Variants in MAN2B2 observed in about 807,000 individuals in gnomAD.
MAN2B2 encodes the protein mannosidase alpha class 2B member 2.
Under a neutral mutation model 117.1 loss-of-function variants are expected in MAN2B2, and 106 were observed. The observed-to-expected ratio is 0.90, with a 90% CI of 0.77 to 1.06. The LOEUF (loss-of-function observed/expected upper bound fraction) is 1.06, where lower values mean the gene tolerates loss of function less well. Among genes scored for constraint, MAN2B2 ranks in the 50% least tolerant of loss-of-function variants. The probability of loss-of-function intolerance (pLI) is 0.00; values close to 1 mark genes in which losing one functional copy is unlikely to be tolerated. For synonymous variants in MAN2B2, 544 were observed against 595.1 expected (o/e 0.91, Z 1.25); for missense variants, 1,326 against 1,381.4 (o/e 0.96, Z 0.64).
chr4:6,617,386 G>T lies in MAN2B2; in HGVS notation c.2708G>T (p.Arg903Leu), dbSNP rs148314636. 104 of 1,613,820 alleles carry T rather than the reference G, an allele frequency of 6.4e-5. No homozygotes were observed. In the African/African-American group the frequency reaches 1.3e-3, roughly 19 times the overall value. The change falls in exon 17 of 19, where the codon CGA (arginine) becomes CTA (leucine). Residue 903 changes from arginine to leucine, a missense_variant. By Grantham distance (102) the Arg-to-Leu change is moderately radical. Transcript: ENST00000285599. ...CTTCCTTCTGTCCCCAAAGGCCATC[G>T]AGGGGAAGCCCAGGCTGACCTCCGC... ...EHSQNLRKGHRGEAQADLRRV... is the reference protein window; with the variant it reads ...EHSQNLRKGHLGEAQADLRRV...
chr4:6,621,455 A>T lies in MAN2B2; in HGVS notation c.*170A>T, dbSNP rs1381139404. On this transcript the variant is annotated 3_prime_UTR_variant, in exon 19 of 19. Transcript: ENST00000285599. The stretch of plus-strand genomic sequence containing the variant: ...TTTGGGGTTTTTCCCTAATTTTTTT[A>T]AACAAAAATTACATTACAAGATCCA... 1 of 576,050 alleles carries T rather than the reference A, an allele frequency of 1.7e-6. No homozygotes were observed. The highest frequency in any genetic ancestry group is 1.9e-5 in the African/African-American group (1 of 53,176). 35.7% of individuals were successfully genotyped at this position (576,050 alleles called of 1,614,324 possible). A position where few individuals can be genotyped will look rare whatever the true frequency, so the allele number is the denominator to read the frequency against.
At chr4:6,582,377 C>CT (rs1726462863) in intron 3 of MAN2B2, among the ~76,000 whole-genome samples, 1 of 152,174 alleles carries the variant, frequency 6.6e-6, no homozygotes, top group South Asian at 2.1e-4. Flanking sequence ...CTCACTCTGT[C>CT]ACTCAGGCTG....
intron 17 of MAN2B2, 92 bp downstream of exon 17, chr4:6,617,584 G>A (rs1411593058): frequency 3.2e-6 from 5 of 1,559,824 alleles, no homozygotes; most frequent in Non-Finnish European, 3.5e-6. Flanking sequence ...AGATCCACGA[G>A]GGCTTCCTCC....
intron 15 of MAN2B2, 53 bp downstream of exon 15, chr4:6,611,331 G>T: frequency 6.6e-7 from 1 of 1,520,298 alleles, no homozygotes; most frequent in South Asian, 1.3e-5. Context: ...CACCAGCCAG[G>T]CCAGGGCGGG....
Position 6,578,456 on chromosome 4 carries a change from G to C in MAN2B2, c.349G>C (p.Glu117Gln), listed in dbSNP as rs749876075. 2 of 1,613,632 alleles carry C rather than the reference G, an allele frequency of 1.2e-6. No individual in the cohort carries two copies. Among genetic ancestry groups the C allele is most frequent in the East Asian group, 4.5e-5 (2 of 44,858 alleles). Residue 117 changes from glutamate to glutamine, a missense_variant, in exon 3 of 19, where the codon GAG (glutamate) becomes CAG (glutamine). Transcript: ENST00000285599. ...FVIGGQVMHD[E>Q]AVTHLDDQIL... ...CATCGGAGGCCAGGTCATGCATGACGAGGCTGTGACGCACCTTGATGACCA... is the reference window on the plus strand; with the variant it reads ...CATCGGAGGCCAGGTCATGCATGACCAGGCTGTGACGCACCTTGATGACCA...
Position 6,597,218 on chromosome 4 carries a change from G to C in MAN2B2, c.1163G>C (p.Arg388Pro). The C allele has an allele frequency of 6.2e-7, 1 of 1,608,528 alleles. No homozygotes were observed. Among genetic ancestry groups the C allele is most frequent in the Non-Finnish European group, 8.5e-7 (1 of 1,177,234 alleles). The change falls in exon 8 of 19, where the codon CGC becomes CCC. Residue 388 changes from arginine to proline, a missense_variant. Physicochemically the swap from Arg to Pro is moderately radical, Grantham distance 103. Transcript: ENST00000285599. The part of the protein sequence containing the change: ...LLYAGESMFT[R>P]YLWPAPRGHL... The stretch of plus-strand genomic sequence containing the variant: ...TATGCCGGGGAGTCCATGTTCACAC[G>C]CTACCTGTGGCCGGCCCCCCGTGGG...
At chr4:6,594,470 C>T (rs1054038340) in intron 6 of MAN2B2, 64 bp from the exon 7 acceptor site, 35 of 1,543,336 alleles carry the variant, frequency 2.3e-5, no homozygotes, top group Non-Finnish European at 2.9e-5. Flanking sequence ...CAGCGATCGG[C>T]CCACCCCCAC....
Position 6,594,656 on chromosome 4 carries a change from C to A in MAN2B2, c.981C>A (p.Asp327Glu). ...GVSVQYATLGDYFRALHALNV... is the reference protein window; with the variant it reads ...GVSVQYATLGEYFRALHALNV... Reference sequence around the variant, plus strand: ...CGGTGCAGTATGCCACGCTGGGCGACTACTTCCGTGCCCTGCACGCTCTCA... The same window carrying A: ...CGGTGCAGTATGCCACGCTGGGCGAATACTTCCGTGCCCTGCACGCTCTCA... The change falls in exon 7 of 19, where the codon GAC becomes GAA. Residue 327 changes from aspartate to glutamate, a missense_variant. By Grantham distance (45) the Asp-to-Glu change is conservative (BLOSUM62 2). Coordinates refer to ENST00000285599, the MANE Select transcript of MAN2B2 (RefSeq NM_015274.3). The A allele has an allele frequency of 6.2e-7, 1 of 1,613,604 alleles. No individual in the cohort carries two copies. The highest frequency in any genetic ancestry group is 8.5e-7 in the Non-Finnish European group (1 of 1,180,012).
rs774001084 is a variant in MAN2B2, at chr4:6,589,109, T to G, written c.629T>G (p.Ile210Ser). 1.9e-6 allele frequency: 3 copies of G among 1,614,184 alleles called. No individual in the cohort carries two copies. Among genetic ancestry groups the G allele is most frequent in the Non-Finnish European group, 2.5e-6 (3 of 1,180,022 alleles). The change falls in exon 5 of 19, where the codon ATC (isoleucine) becomes AGC (serine). Residue 210 changes from isoleucine to serine, a missense_variant. By Grantham distance (142) the Ile-to-Ser change is moderately radical. Coordinates refer to ENST00000285599, the MANE Select transcript of MAN2B2 (RefSeq NM_015274.3). ...GAGCGGCAGGAAATCTTCACGCACA[T>G]CATGGACCAGTACAGCTACTGCACC... ...LSERQEIFTHIMDQYSYCTPS... is the reference protein window; with the variant it reads ...LSERQEIFTHSMDQYSYCTPS...
At chr4:6,619,178 C>T (rs1712040091) in intron 17 of MAN2B2, 1 of 152,282 alleles carries the variant, frequency 6.6e-6, no homozygotes, top group African/African-American at 2.4e-5. Context: ...AACAGATGTG[C>T]TTAGAACAGA....
At chr4:6,603,507 G>C (rs912509847) in intron 10 of MAN2B2, among the ~76,000 whole-genome samples, 3 of 152,148 alleles carry the variant, frequency 2.0e-5, no homozygotes, top group Non-Finnish European at 2.9e-5. Flanking sequence ...AGAGGCGAAG[G>C]GAGGGTATGG....
At chr4:6,584,373 T>C (rs1305231762) in intron 3 of MAN2B2, among the ~76,000 whole-genome samples, 1 of 152,218 alleles carries the variant, frequency 6.6e-6, no homozygotes, top group Non-Finnish European at 1.5e-5. Flanking sequence ...GACACCACAT[T>C]CAAGGCAGTA....
intron 14 of MAN2B2, 45 bp downstream of exon 14, chr4:6,611,035 A>G (rs1254124700): frequency 1.2e-6 from 2 of 1,612,664 alleles, no homozygotes; most frequent in African/African-American, 2.7e-5. Flanking sequence ...GCGGCCCCCT[A>G]CAGGCATGCC....
chr4:6,617,895 T>C (rs1711975971), intron 17 of MAN2B2: 1 of 226,924 alleles, frequency 4.4e-6, no homozygotes, highest in Non-Finnish European at 8.6e-6. Context: ...TCCCCCAGGC[T>C]GGAGTGCAAT....
At chr4:6,594,481 T>C in intron 6 of MAN2B2, 53 bp from the exon 7 acceptor site, 1 of 1,582,934 alleles carries the variant, frequency 6.3e-7, no homozygotes, top group South Asian at 1.1e-5. Flanking sequence ...CCACCCCCAC[T>C]GGGCGAGCGC....
intron 17 of MAN2B2, chr4:6,617,950 T>C (rs1711979356): frequency 1.2e-5 from 2 of 170,038 alleles, no homozygotes; most frequent in South Asian, 2.7e-4. Context: ...CAGGTTCAAG[T>C]GATTCTCCTG....
In MAN2B2 at chr4:6,605,279, CA is replaced by C. The variant is rs758663836; in HGVS notation, c.1765del (p.Ile589LeufsTer10). On this transcript the variant is annotated frameshift_variant, in exon 11 of 19. Coordinates refer to ENST00000285599, the MANE Select transcript of MAN2B2 (RefSeq NM_015274.3). LOFTEE classifies it high-confidence loss of function. ...TGGTGCCTGTGGCAAACGACTGCTA[CA>C]TTGTGCTGCTCGACCAGGATACCAA... Reference protein sequence around the residue: ...YLVPVANDCYIVLLDQDTNLM... With the variant: ...YLVPVANDCYXVLLDQDTNLM... 6 of 1,613,982 alleles carry C rather than the reference CA, an allele frequency of 3.7e-6. No individual in the cohort carries two copies. In the African/African-American group the frequency reaches 6.7e-5, roughly 18 times the overall value.
chr4:6,608,377 T>C (rs1163733508), intron 11 of MAN2B2, among the ~76,000 whole-genome samples: 1 of 152,198 alleles, frequency 6.6e-6, no homozygotes, highest in African/African-American at 2.4e-5. Flanking sequence ...GCCATCCACC[T>C]CATTGTCCGC....
intron 5 of MAN2B2, 87 bp downstream of exon 5, chr4:6,589,247 T>A: frequency 1.9e-6 from 2 of 1,073,642 alleles, no homozygotes; most frequent in Non-Finnish European, 2.8e-6. Flanking sequence ...TGTTTTTGTT[T>A]ATTGGTTTTA....
Sources: allele counts gnomAD v4.1 joint callset (sites outside exome capture counted in the v4.1 genomes callset), GRCh38; gene constraint gnomAD v4.1.1; transcripts MANE v1.5; gene names NCBI Gene and HGNC (gene_info 2026-07-23, HGNC 2026-07-21).